The following CIMAP1D variants were observed in gnomAD, a reference collection of about 807,000 sequenced individuals.
CIMAP1D encodes protein CIMAP1D.
the CIMAP1D span, chr19:464,102 C>T: frequency 6.9e-4 from 1,025 of 1,488,286 alleles, 1 homozygote; most frequent in Non-Finnish European, 8.3e-4. Flanking sequence ...CGTACTGGCC[C>T]GGGCCTGGTA....
chr19:487,276 C>G, the CIMAP1D span, among the ~76,000 whole-genome samples: 1 of 152,118 alleles, frequency 6.6e-6, no homozygotes, highest in Non-Finnish European at 1.5e-5. Flanking sequence ...ACACAGGGGG[C>G]GGCGTGCGCT....
chr19:486,317 CTG>C, the CIMAP1D span, among the ~76,000 whole-genome samples: 1 of 152,206 alleles, frequency 6.6e-6, no homozygotes, highest in Non-Finnish European at 1.5e-5. Flanking sequence ...GACTCAGCCT[CTG>C]CACTCACCGT....
chr19:484,624 A>T, the CIMAP1D span, among the ~76,000 whole-genome samples: 4 of 152,236 alleles, frequency 2.6e-5, no homozygotes, highest in African/African-American at 9.6e-5. Context: ...AGGGATGCCC[A>T]GCTGTGCAGA....
At chr19:470,381 T>A in the CIMAP1D span, among the ~76,000 whole-genome samples, 3 of 151,796 alleles carry the variant, frequency 2.0e-5, no homozygotes, top group Non-Finnish European at 4.4e-5. Flanking sequence ...TAATTTTTTT[T>A]TTTTTATTTT....
the CIMAP1D span, among the ~76,000 whole-genome samples, chr19:486,930 G>C: frequency 2.0e-5 from 3 of 151,774 alleles, no homozygotes; most frequent in Non-Finnish European, 2.9e-5. Context: ...AAGAAGGAAA[G>C]AAATAGAGAT....
At chr19:464,506 TC>T in the CIMAP1D span, 1 of 669,738 alleles carries the variant, frequency 1.5e-6, no homozygotes. Context: ...TTCCCCATCC[TC>T]CATACACATG....
the CIMAP1D span, among the ~76,000 whole-genome samples, chr19:480,490 G>GAAAACAA: frequency 5.8e-4 from 57 of 98,716 alleles, 2 homozygotes; most frequent in African/African-American, 3.4e-3. Flanking sequence ...AAGGATGATG[G>GAAAACAA]TAAGGATGAT....
chr19:474,602 C>A, the CIMAP1D span: 1 of 1,500,884 alleles, frequency 6.7e-7, no homozygotes, highest in African/African-American at 1.4e-5. Context: ...CCCACCCATC[C>A]CCCACGGCTG....
At chr19:490,074 G>C in the CIMAP1D span, 2 of 398,338 alleles carry the variant, frequency 5.0e-6, no homozygotes, top group South Asian at 2.5e-4. Flanking sequence ...CATAAAACAA[G>C]GCCGGGCGCG....
chr19:472,450 TG>T, the CIMAP1D span: 1 of 1,547,528 alleles, frequency 6.5e-7, no homozygotes, highest in Non-Finnish European at 8.7e-7. Flanking sequence ...GGTGCAGTCG[TG>T]GTTGATGAAG....
the CIMAP1D span, among the ~76,000 whole-genome samples, chr19:467,991 G>T: frequency 2.0e-5 from 3 of 152,186 alleles, no homozygotes; most frequent in African/African-American, 7.2e-5. Flanking sequence ...ATTCTGCTCT[G>T]CTGCTGTTTG....
the CIMAP1D span, among the ~76,000 whole-genome samples, chr19:482,396 G>A: frequency 1.8e-4 from 27 of 152,270 alleles, no homozygotes; most frequent in African/African-American, 6.3e-4. Context: ...CATGGGTGTT[G>A]CTGCCCCCAG....
the CIMAP1D span, among the ~76,000 whole-genome samples, chr19:481,002 C>T: frequency 1.1e-5 from 1 of 95,038 alleles, no homozygotes; most frequent in Non-Finnish European, 1.8e-5. Context: ...TGATGGAAAA[C>T]GATGACGGAG....
At chr19:488,474 A>T in the CIMAP1D span, among the ~76,000 whole-genome samples, 62,440 of 151,680 alleles carry the variant, frequency 0.41, 12,960 homozygotes, top group East Asian at 0.65. Context: ...GTGAGCCGAG[A>T]TGGCGCCACT....
At chr19:490,689 G>A in the CIMAP1D span, among the ~76,000 whole-genome samples, 1 of 152,256 alleles carries the variant, frequency 6.6e-6, no homozygotes, top group Non-Finnish European at 1.5e-5. Flanking sequence ...TCAGGGCCAG[G>A]CGCGGTGGCT....
chr19:491,102 A>AC, the CIMAP1D span, among the ~76,000 whole-genome samples: 1 of 151,852 alleles, frequency 6.6e-6, no homozygotes, highest in Non-Finnish European at 1.5e-5. Flanking sequence ...TCTCAAAAAA[A>AC]AAAAAAAAGT....
the CIMAP1D span, among the ~76,000 whole-genome samples, chr19:488,774 C>T: frequency 1.5e-4 from 23 of 152,220 alleles, no homozygotes; most frequent in Non-Finnish European, 1.5e-4. Flanking sequence ...CCAGTCTCCG[C>T]CCGGGGACAC....
At chr19:485,610 T>C in the CIMAP1D span, among the ~76,000 whole-genome samples, 1 of 152,136 alleles carries the variant, frequency 6.6e-6, no homozygotes, top group Non-Finnish European at 1.5e-5. Flanking sequence ...TTAGCGATCC[T>C]CCCACCTCAG....
chr19:488,692 T>C, the CIMAP1D span, among the ~76,000 whole-genome samples: 1 of 152,184 alleles, frequency 6.6e-6, no homozygotes, highest in African/African-American at 2.4e-5. Flanking sequence ...TCCCGGAACC[T>C]GGATCCCCGA....
Sources: gnomAD v4.1 joint callset for allele counts (sites outside exome capture counted in the v4.1 genomes callset) on GRCh38, gnomAD v4.1.1 for gene constraint, MANE v1.5 for transcripts, NCBI Gene and HGNC (gene_info 2026-07-23, HGNC 2026-07-21) for gene names.